GRM7: variants seen among roughly 807,000 people sequenced by gnomAD.
GRM7 encodes the protein metabotropic glutamate receptor 7.
In GRM7, 35 loss-of-function variants were observed where a neutral mutation model predicts 84.5. That is an observed-to-expected ratio of 0.41 (90% CI 0.32 to 0.55). GRM7 has a LOEUF of 0.55. Among genes scored for constraint, GRM7 ranks in the 20% least tolerant of loss-of-function variants. GRM7 has a pLI of 0.19. For synonymous variants in GRM7, 487 were observed against 455.1 expected (o/e 1.07, Z -0.89); for missense variants, 1,003 against 1,194.6 (o/e 0.84, Z 2.36).
chr3:6,941,049 C>G (rs536731301), intron 1 of GRM7, among the ~76,000 whole-genome samples: 1 of 152,312 alleles, frequency 6.6e-6, no homozygotes, highest in South Asian at 2.1e-4. Flanking sequence ...GTCCCTGCCT[C>G]TCTTGAGTCA....
intron 7 of GRM7, among the ~76,000 whole-genome samples, chr3:7,545,361 G>A (rs184518234): frequency 7.9e-5 from 12 of 152,300 alleles, no homozygotes; most frequent in Non-Finnish European, 1.8e-4. Context: ...AAAATGTAGG[G>A]TTTAACTCAT....
At chr3:7,686,283 A>AAAT in intron 9 of GRM7, 1 of 702,944 alleles carries the variant, frequency 1.4e-6, no homozygotes, top group Non-Finnish European at 2.5e-6. Flanking sequence ...CCCAAAAGGA[A>AAAT]AATAATAATA....
At chr3:7,053,744 A>G (rs1697099445) in intron 1 of GRM7, among the ~76,000 whole-genome samples, 5 of 151,610 alleles carry the variant, frequency 3.3e-5, no homozygotes, top group Admixed American at 2.0e-4. Flanking sequence ...CTACAAGAAT[A>G]TCACATTGTC....
intron 9 of GRM7, among the ~76,000 whole-genome samples, chr3:7,692,575 T>C (rs1452685951): frequency 1.3e-5 from 2 of 152,134 alleles, no homozygotes; most frequent in African/African-American, 2.4e-5. Flanking sequence ...TTTGCAACAA[T>C]TTAATAATAA....
chr3:7,099,424 A>C (rs1159310979), intron 1 of GRM7, among the ~76,000 whole-genome samples: 1 of 149,236 alleles, frequency 6.7e-6, no homozygotes, highest in Non-Finnish European at 1.5e-5. Context: ...TTATGCATGT[A>C]TATACGTATA....
At chr3:7,386,727 C>A (rs1202470330) in intron 4 of GRM7, among the ~76,000 whole-genome samples, 1 of 152,150 alleles carries the variant, frequency 6.6e-6, no homozygotes, top group African/African-American at 2.4e-5. Flanking sequence ...CTGTGATAAA[C>A]ATTCAAGTGC....
Position 7,658,769 on chromosome 3 carries a change from A to G in GRM7, c.2452-21280A>G, listed in dbSNP as rs566340585. 2.2e-4 allele frequency among the ~76,000 whole-genome samples: 33 copies of G among 152,346 alleles called. No individual in the cohort carries two copies. In the Middle Eastern group the frequency reaches 0.02, roughly 94 times the overall value. Reference sequence around the variant, plus strand: ...AAAATGAAATCATCAGATAGTGACTATAAATGCATGATCTATATTGAATTT... The same window carrying G: ...AAAATGAAATCATCAGATAGTGACTGTAAATGCATGATCTATATTGAATTT... On this transcript the variant is annotated intron_variant, in intron 8 of 9. Transcript: ENST00000357716.
In GRM7 at chr3:6,928,002, C is replaced by G. The variant is rs759637292; in HGVS notation, c.519+66095C>G. On this transcript the variant is annotated intron_variant, in intron 1 of 9. Transcript: ENST00000357716. This position sits in a 1 kb window ranked among gnomAD's most constrained non-coding sequence, Gnocchi z 4.5. ...ATGTAATCACTAGGTCGCAAATCCA[C>G]TTGTAACTCACATAGGCAATTTTTC... 1.6e-4 allele frequency among the ~76,000 whole-genome samples: 25 copies of G among 152,250 alleles called. No individual in the cohort carries two copies. The highest frequency in any genetic ancestry group is 3.2e-4 in the Non-Finnish European group (22 of 68,018).
chr3:7,513,663 AC>A (rs1700284169), intron 7 of GRM7, among the ~76,000 whole-genome samples: 1 of 152,180 alleles, frequency 6.6e-6, no homozygotes, highest in African/African-American at 2.4e-5. Context: ...TATTCTAACT[AC>A]CCTAATTTGA....
intron 2 of GRM7, among the ~76,000 whole-genome samples, chr3:7,245,477 C>A (rs1316006621): frequency 6.6e-6 from 1 of 151,336 alleles, no homozygotes; most frequent in Non-Finnish European, 1.5e-5. Context: ...AGAAACAAAG[C>A]CATAAGATAA....
intron 1 of GRM7, among the ~76,000 whole-genome samples, chr3:7,043,444 C>T (rs542875826): frequency 6.6e-6 from 1 of 152,142 alleles, no homozygotes; most frequent in Non-Finnish European, 1.5e-5. Context: ...CTGGGGGCAA[C>T]CATAAGACTC....
At chr3:7,169,216 ATC>A (rs1412659350) in intron 2 of GRM7, among the ~76,000 whole-genome samples, 1 of 151,986 alleles carries the variant, frequency 6.6e-6, no homozygotes, top group East Asian at 1.9e-4. Context: ...TGAATTTTTC[ATC>A]TCTGAAGATG....
intron 1 of GRM7, among the ~76,000 whole-genome samples, chr3:7,137,852 G>A (rs1208573596): frequency 6.6e-6 from 1 of 151,974 alleles, no homozygotes; most frequent in Non-Finnish European, 1.5e-5. Flanking sequence ...ATAAATACAT[G>A]CCATTTTAGC....
At chr3:7,528,086 C>T (rs538405262) in intron 7 of GRM7, among the ~76,000 whole-genome samples, 10 of 151,962 alleles carry the variant, frequency 6.6e-5, no homozygotes, top group South Asian at 2.1e-4. Context: ...GTATAGTTTC[C>T]GTGGGATTGG....
chr3:7,698,035 G>GA lies in GRM7; in HGVS notation c.2698+17741dup, dbSNP rs200452192. Among the ~76,000 whole-genome samples the GA allele has an allele frequency of 6.6e-5, 10 of 152,202 alleles. No individual in the cohort carries two copies. The East Asian group carries it at 1.3e-3, about 20-fold the overall frequency. On this transcript the variant is annotated intron_variant, in intron 9 of 9. Transcript: ENST00000357716. Reference sequence around the variant, plus strand: ...TTACAGAGTGGTTACTCTTGTTAGGGACTCTGCATGGAAGGCTGAGATAGA... The same window carrying GA: ...TTACAGAGTGGTTACTCTTGTTAGGGAACTCTGCATGGAAGGCTGAGATAGA...
At chr3:6,886,163 C>T (rs1238890055) in intron 1 of GRM7, among the ~76,000 whole-genome samples, 1 of 151,914 alleles carries the variant, frequency 6.6e-6, no homozygotes, top group East Asian at 1.9e-4. Context: ...TGGCAAATTT[C>T]AAGTAACCAG....
chr3:7,132,997 C>G (rs1488292876), intron 1 of GRM7, among the ~76,000 whole-genome samples: 1 of 151,944 alleles, frequency 6.6e-6, no homozygotes, highest in Non-Finnish European at 1.5e-5. Flanking sequence ...TGATGGTTCT[C>G]AAAAAATCAT....
chr3:6,984,186 A>G (rs1212672572), intron 1 of GRM7, among the ~76,000 whole-genome samples: 1 of 152,224 alleles, frequency 6.6e-6, no homozygotes, highest in African/African-American at 2.4e-5. Context: ...ACTTATTTGC[A>G]CATCGTCTTG....
chr3:7,346,788 A>C (rs1008041500), intron 4 of GRM7, among the ~76,000 whole-genome samples: 1 of 152,272 alleles, frequency 6.6e-6, no homozygotes, highest in South Asian at 2.1e-4. Flanking sequence ...CATCATTTGA[A>C]GTGCACCCAT....
Sources: gnomAD v4.1 joint callset for allele counts (sites outside exome capture counted in the v4.1 genomes callset) on GRCh38, gnomAD v4.1.1 for gene constraint, Gnocchi (gnomAD v3.1) non-coding constraint, MANE v1.5 for transcripts, NCBI Gene and HGNC (gene_info 2026-07-23, HGNC 2026-07-21) for gene names.